The following MGAM2 variants were observed in gnomAD, a reference collection of about 807,000 sequenced individuals.
The protein encoded by MGAM2 is maltase-glucoamylase 2 (putative).
MGAM2 carries 98 observed loss-of-function variants against 96.1 expected under a neutral mutation model. That is an observed-to-expected ratio of 1.02 (90% confidence interval 0.87 to 1.21). The LOEUF (loss-of-function observed/expected upper bound fraction) is 1.21. Among genes scored for constraint, MGAM2 ranks in the 50% most tolerant of loss-of-function variants. MGAM2 has a pLI of 0.00. For missense variants in MGAM2, 2,055 were observed against 1,182.4 expected, an observed-to-expected ratio of 1.74 and a Z score of -10.82; for synonymous variants, 749 against 414.8, an observed-to-expected ratio of 1.81 and a Z score of -9.79.
At chr7:142,133,949 G>A (rs1266740349) in intron 6 of MGAM2, 32 bp from the exon 7 acceptor site, 1 of 668,858 alleles carries the variant, frequency 1.5e-6, no homozygotes, top group East Asian at 2.8e-5. Context: ...GTGTTTTTCG[G>A]TGATTCTTGC....
chr7:142,168,287 G>A (rs76667260), intron 26 of MGAM2, among the ~76,000 whole-genome samples: 1 of 127,394 alleles, frequency 7.8e-6, no homozygotes, highest in Non-Finnish European at 1.7e-5. Flanking sequence ...TTTTTTTTTT[G>A]AGACAGAGTT....
intron 2 of MGAM2, among the ~76,000 whole-genome samples, chr7:142,119,850 G>T (rs1031485357): frequency 7.2e-5 from 11 of 152,172 alleles, no homozygotes; most frequent in African/African-American, 2.4e-4. Flanking sequence ...TTCAGAATAG[G>T]CAAATCCATA....
At chr7:142,171,986 GA>G (rs1796210196) in intron 28 of MGAM2, 111 bp from the exon 29 acceptor site, 1 of 463,686 alleles carries the variant, frequency 2.2e-6, no homozygotes, top group Admixed American at 2.8e-5. Context: ...CCCAACAAAG[GA>G]CATGACATTG....
chr7:142,120,514 C>A, intron 3 of MGAM2, 133 bp downstream of exon 3: 1 of 546,746 alleles, frequency 1.8e-6, no homozygotes, highest in Non-Finnish European at 3.3e-6. Flanking sequence ...TCTTTCTTAT[C>A]TTATTGAAAT....
At position 142,158,023 on chromosome 7, in the gene MGAM2, C is replaced by T. The variant is rs1399926541; in HGVS notation, c.2010C>T (p.Pro670=). The T allele has an allele frequency of 1.4e-6, 1 of 703,024 alleles. No homozygotes were observed. Among genetic ancestry groups the T allele is most frequent in the African/African-American group, 1.7e-5 (1 of 57,380 alleles). The allele number at this position is 703,024 out of a possible 1,614,324, so 43.5% of individuals were successfully genotyped here. The part of the protein sequence containing the change: ...HYLNIRYTLL[P]YLYTLFYHAH... ...TGAACATCCGCTACACCTTGCTGCCCTATCTCTATACCCTTTTCTACCATG... is the reference window on the plus strand; with the variant it reads ...TGAACATCCGCTACACCTTGCTGCCTTATCTCTATACCCTTTTCTACCATG... Residue 670 remains proline, a synonymous_variant, in exon 18 of 48, where the codon CCC becomes CCT. Transcript: ENST00000477922.
chr7:142,198,609 T>G lies in MGAM2; in HGVS notation c.4924-6T>G. 1 of 702,606 alleles carries G rather than the reference T, an allele frequency of 1.4e-6. No homozygotes were observed. Among genetic ancestry groups the G allele is most frequent in the Non-Finnish European group, 2.6e-6 (1 of 384,804 alleles). 43.5% of individuals were successfully genotyped at this position (702,606 alleles called of 1,614,324 possible). ...CGCCATTTTTTGCCTGTATTCTCCT[T>G]TCTAGGGAACTAGCAGCACATCAAC... is the stretch of plus-strand genomic sequence containing the variant. On this transcript the variant is annotated splice_region_variant and splice_polypyrimidine_tract_variant and intron_variant, in intron 43 of 47. Coordinates refer to ENST00000477922, the MANE Select transcript of MGAM2 (RefSeq NM_001293626.2).
intron 45 of MGAM2, among the ~76,000 whole-genome samples, chr7:142,201,029 A>G (rs1318355089): frequency 6.9e-6 from 1 of 145,206 alleles, no homozygotes; most frequent in African/African-American, 2.5e-5. Context: ...GAATATGTAC[A>G]GGTTGGTTTT....
intron 37 of MGAM2, among the ~76,000 whole-genome samples, chr7:142,193,443 A>G (rs1796933649): frequency 6.6e-6 from 1 of 151,992 alleles, no homozygotes; most frequent in African/African-American, 2.4e-5. Flanking sequence ...TTTTATGAAA[A>G]TGCCTTTGTT....
chr7:142,115,682 C>A (rs745795555), intron 1 of MGAM2, among the ~76,000 whole-genome samples: 1 of 151,988 alleles, frequency 6.6e-6, no homozygotes, highest in Non-Finnish European at 1.5e-5. Context: ...CTTGTCTCTA[C>A]TAAAGATACA....
At chr7:142,171,898 T>C (rs1160715791) in intron 28 of MGAM2, among the ~76,000 whole-genome samples, 200 bp from the exon 29 acceptor site, 1 of 151,648 alleles carries the variant, frequency 6.6e-6, no homozygotes, top group African/African-American at 2.4e-5. Flanking sequence ...AATTGAATTA[T>C]ATAATAATAA....
chr7:142,217,912 C>T lies in MGAM2; in HGVS notation c.5188-449C>T, dbSNP rs1010667635. ...CAGCCTGGCCAACATAGTGAAACCC[C>T]GTCTCTATTAAAAATACAAAAATTA... is the stretch of plus-strand genomic sequence containing the variant. On this transcript the variant is annotated intron_variant, in intron 46 of 47. Transcript: ENST00000477922. Among the ~76,000 whole-genome samples, 6 of 152,014 alleles carry T rather than the reference C, an allele frequency of 3.9e-5. No homozygotes were observed. The South Asian group carries it at 1.0e-3, about 26-fold the overall frequency.
chr7:142,191,117 G>C (rs910827578), intron 37 of MGAM2, among the ~76,000 whole-genome samples: 2 of 139,950 alleles, frequency 1.4e-5, no homozygotes, highest in African/African-American at 5.6e-5. Context: ...GGGCAACAAA[G>C]TAAGACTATC....
Position 142,170,843 on chromosome 7 carries a change from G to A in MGAM2, c.3183-429G>A, listed in dbSNP as rs557326292. 8.6e-4 allele frequency among the ~76,000 whole-genome samples: 131 copies of A among 152,306 alleles called. 1 individual carries two copies. Among genetic ancestry groups the A allele is most frequent in the African/African-American group, 3.1e-3 (129 of 41,564 alleles). On this transcript the variant is annotated intron_variant, in intron 27 of 47. Transcript: ENST00000477922. ...GTCTTCTCTCTTGGGCTGTGTGAGT[G>A]ATTTCCTCTCTGTTGCCCTCTTTGG...
At chr7:142,163,376 C>G (rs938661636) in intron 23 of MGAM2, among the ~76,000 whole-genome samples, 1 of 152,136 alleles carries the variant, frequency 6.6e-6, no homozygotes, top group East Asian at 1.9e-4. Flanking sequence ...CCGCCTCCTG[C>G]GTTCAAGAGA....
chr7:142,220,385 C>G lies in MGAM2; in HGVS notation c.5874C>G (p.Pro1958=). Residue 1958 remains proline (P), a synonymous_variant, in exon 48 of 48, where the codon CCC becomes CCG. Coordinates refer to ENST00000477922, the MANE Select transcript of MGAM2 (RefSeq NM_001293626.2). The part of the protein sequence containing the change: ...TIGVTTNATV[P]DTTAPFPTNT... ...GTGTTACAACTAATGCTACTGTTCCCGATACAACTGCCCCTTTCCCAACAA... is the reference window on the plus strand; with the variant it reads ...GTGTTACAACTAATGCTACTGTTCCGGATACAACTGCCCCTTTCCCAACAA... 1.4e-6 allele frequency: 1 copy of G among 696,428 alleles called. No homozygotes were observed. Among genetic ancestry groups the G allele is most frequent in the Non-Finnish European group, 2.6e-6 (1 of 382,954 alleles). 43.1% of individuals were successfully genotyped at this position (696,428 alleles called of 1,614,324 possible).
At chr7:142,160,916 G>A (rs753274409) in intron 21 of MGAM2, among the ~76,000 whole-genome samples, 1 of 152,154 alleles carries the variant, frequency 6.6e-6, no homozygotes, top group Non-Finnish European at 1.5e-5. Context: ...TGTAGGAACT[G>A]CCTCTGTCCA....
chr7:142,170,025 G>A, intron 26 of MGAM2, 50 bp from the exon 27 acceptor site: 1 of 669,432 alleles, frequency 1.5e-6, no homozygotes, highest in South Asian at 1.6e-5. Flanking sequence ...GGCATGAGGG[G>A]TTTTAGGTCT....
In MGAM2 at chr7:142,124,768, A is replaced by T. The variant is rs6948043; in HGVS notation, c.186+4387A>T. ...TTTAGTTTTGAAATTTTTGATATAG[A>T]GCTTTTGCACATGGTTTTGCTACTT... On this transcript the variant is annotated intron_variant, in intron 3 of 47. Transcript: ENST00000477922. 8.1e-3 allele frequency among the ~76,000 whole-genome samples: 1,233 copies of T among 152,084 alleles called. 18 individuals are homozygous for T. Among genetic ancestry groups the T allele is most frequent in the South Asian group, 0.041 (198 of 4,814 alleles).
Position 142,154,064 on chromosome 7 carries a change from C to T in MGAM2, c.1681C>T (p.Arg561Cys), listed in dbSNP as rs1348665224. The change falls in exon 16 of 48, where the codon CGT becomes TGT. Residue 561 changes from arginine to cysteine, a missense_variant. Transcript: ENST00000477922. ...GAATAATAGGAGCTTCATCTTATCC[C>T]GTTCTACTTTTGCTGGATCTGGCAA... ...FMNNRSFILS[R>C]STFAGSGKFA... The T allele has an allele frequency of 1.2e-5, 8 of 694,662 alleles. No homozygotes were observed. Among genetic ancestry groups the T allele is most frequent in the South Asian group, 4.5e-5 (3 of 66,374 alleles). The allele number at this position is 694,662 out of a possible 1,614,324, so 43.0% of individuals were successfully genotyped here.
Sources: allele counts gnomAD v4.1 joint callset (sites outside exome capture counted in the v4.1 genomes callset), GRCh38; gene constraint gnomAD v4.1.1; transcripts MANE v1.5; gene names NCBI Gene and HGNC (gene_info 2026-07-23, HGNC 2026-07-21).